Variants in ADGRL2 observed in about 807,000 individuals in gnomAD.
ADGRL2 encodes the protein calcium-independent alpha-latrotoxin receptor 2.
Under a neutral mutation model 157.4 loss-of-function variants are expected in ADGRL2, and 44 were observed. The ratio of observed to expected loss-of-function variants is 0.28; its 90% confidence interval spans 0.22 to 0.36. The LOEUF (loss-of-function observed/expected upper bound fraction) is 0.36. ADGRL2 is among the 10% of genes least tolerant of loss of function. The pLI, the probability that ADGRL2 is intolerant of heterozygous loss-of-function variation, is 1.00. For missense variants in ADGRL2, 1,510 were observed against 1,768.9 expected, an observed-to-expected ratio of 0.85 and a Z score of 2.63; for synonymous variants, 585 against 624.7, an observed-to-expected ratio of 0.94 and a Z score of 0.95.
chr1:81,471,308 C>T (rs1345708565), intron 2 of ADGRL2, among the ~76,000 whole-genome samples: 1 of 152,148 alleles, frequency 6.6e-6, no homozygotes, highest in African/African-American at 2.4e-5. Flanking sequence ...ATTTTCTTGT[C>T]AATACCTTAG....
chr1:81,890,856 A>G (rs770586421), intron 2 of ADGRL2, among the ~76,000 whole-genome samples: 2 of 152,056 alleles, frequency 1.3e-5, no homozygotes, highest in East Asian at 1.9e-4. Context: ...GAGAAATTGT[A>G]TATTTTTAGA....
chr1:81,905,941 AAGC>A (rs1239516855), intron 2 of ADGRL2, among the ~76,000 whole-genome samples: 1 of 144,658 alleles, frequency 6.9e-6, no homozygotes, highest in African/African-American at 2.7e-5. Context: ...ATGGAGAAAA[AAGC>A]AGAGTGTGTG....
At chr1:81,981,753 G>A in intron 18 of ADGRL2, 55 bp from the exon 19 acceptor site, 1 of 1,351,790 alleles carries the variant, frequency 7.4e-7, no homozygotes. Flanking sequence ...ATTTAAGCGT[G>A]ATGTGTGTTT....
chr1:81,353,393 G>A (rs1472470534), intron 1 of ADGRL2, among the ~76,000 whole-genome samples: 5 of 152,152 alleles, frequency 3.3e-5, no homozygotes, highest in African/African-American at 1.2e-4. Context: ...TAAGAAACAA[G>A]TTTGGGAGGA....
chr1:81,331,750 C>T (rs1045077681), intron 1 of ADGRL2, among the ~76,000 whole-genome samples: 1 of 152,020 alleles, frequency 6.6e-6, no homozygotes, highest in Non-Finnish European at 1.5e-5. Context: ...ATTTATTGAT[C>T]ATTTAATAAT....
intron 2 of ADGRL2, among the ~76,000 whole-genome samples, chr1:81,874,198 T>G (rs925691700): frequency 5.9e-5 from 9 of 152,150 alleles, no homozygotes; most frequent in African/African-American, 2.2e-4. Context: ...GGAAACAACT[T>G]AATTATGTGA....
In ADGRL2 at chr1:81,706,482, T is replaced by C. The variant is rs1462498913; in HGVS notation, c.-143+6674T>C. 2.0e-5 allele frequency among the ~76,000 whole-genome samples: 3 copies of C among 152,142 alleles called. No individual in the cohort carries two copies. The East Asian group carries it at 5.8e-4, about 29-fold the overall frequency. On this transcript the variant is annotated intron_variant, in intron 1 of 20. Transcript: ENST00000359929. ...TGTTTTAGGTGCCAGAGCTTGTCTT[T>C]CCAGAGAAGAGCAGTGTGCAGGTGG...
chr1:81,593,974 C>T (rs1169056622), intron 3 of ADGRL2, among the ~76,000 whole-genome samples: 2 of 152,080 alleles, frequency 1.3e-5, no homozygotes, highest in Non-Finnish European at 2.9e-5. Flanking sequence ...CTATATATTT[C>T]TGCACATAGA....
At chr1:81,809,396 T>A (rs577205510) in intron 1 of ADGRL2, among the ~76,000 whole-genome samples, 8 of 152,086 alleles carry the variant, frequency 5.3e-5, no homozygotes, top group African/African-American at 1.7e-4. Context: ...TAAGTAACAT[T>A]TATATATATT....
At chr1:81,379,986 T>G (rs2076316251) in intron 1 of ADGRL2, among the ~76,000 whole-genome samples, 1 of 152,190 alleles carries the variant, frequency 6.6e-6, no homozygotes. Context: ...CTGTATCATT[T>G]AAACGGACGT....
chr1:81,471,662 C>T (rs138159660), intron 2 of ADGRL2, among the ~76,000 whole-genome samples: 40 of 152,254 alleles, frequency 2.6e-4, no homozygotes, highest in Non-Finnish European at 5.0e-4. Flanking sequence ...AAGCCTGAAT[C>T]GAATTAAAAT....
chr1:81,820,041 A>G (rs2090824657), intron 1 of ADGRL2, among the ~76,000 whole-genome samples: 1 of 152,106 alleles, frequency 6.6e-6, no homozygotes, highest in Non-Finnish European at 1.5e-5. Context: ...AGTAACAATC[A>G]TTTCCTCAAT....
rs144746201 is a variant in ADGRL2 at position 81,587,638 on chromosome 1, A to G, written c.-143+6658A>G. Reference sequence around the variant, plus strand: ...TGTTATGCTAAAGAGTGGGGACTCCATCCAGGAAGCAGTGGAAAGTCACCA... The same window carrying G: ...TGTTATGCTAAAGAGTGGGGACTCCGTCCAGGAAGCAGTGGAAAGTCACCA... On this transcript the variant is annotated intron_variant, in intron 3 of 24. Coordinates refer to the ADGRL2 transcript ENST00000370721. Among the ~76,000 whole-genome samples the G allele has an allele frequency of 6.0e-3, 910 of 152,282 alleles. 19 individuals are homozygous for G. The highest frequency in any genetic ancestry group is 0.021 in the African/African-American group (857 of 41,570).
intron 2 of ADGRL2, among the ~76,000 whole-genome samples, chr1:81,491,767 G>A (rs929826987): frequency 2.0e-5 from 3 of 152,152 alleles, no homozygotes; most frequent in African/African-American, 4.8e-5. Context: ...TTATCCACTT[G>A]TTATTTTTTT....
chr1:81,411,000 A>G (rs2076936137), intron 1 of ADGRL2, among the ~76,000 whole-genome samples: 1 of 152,246 alleles, frequency 6.6e-6, no homozygotes, highest in Admixed American at 6.5e-5. Context: ...GACAAAAAAT[A>G]GAAAGAGATT....
At position 81,873,249 on chromosome 1, in the gene ADGRL2, A is replaced by C. The variant is rs753990305; in HGVS notation, c.74-33768A>C. Among the ~76,000 whole-genome samples the C allele has an allele frequency of 3.4e-4, 52 of 152,238 alleles. No individual in the cohort carries two copies. In the Middle Eastern group the frequency reaches 0.01, roughly 30 times the overall value. ...GAAAATCTTCTGTCCTGTACTCTTA[A>C]TAGTGAACTATTAGAGTGTTTAAAT... On this transcript the variant is annotated intron_variant, in intron 2 of 23. Transcript: ENST00000686636.
chr1:81,955,132 A>G (rs911818257), intron 10 of ADGRL2, among the ~76,000 whole-genome samples: 1 of 152,142 alleles, frequency 6.6e-6, no homozygotes, highest in African/African-American at 2.4e-5. Context: ...CATATTTACA[A>G]CTTGGGTGTT....
chr1:81,958,995 A>G (rs1050024127), intron 11 of ADGRL2, among the ~76,000 whole-genome samples: 3 of 152,192 alleles, frequency 2.0e-5, no homozygotes, highest in Admixed American at 6.5e-5. Flanking sequence ...ATTGCTGAGT[A>G]TTATCCATTG....
intron 2 of ADGRL2, among the ~76,000 whole-genome samples, chr1:81,446,439 C>A (rs887738767): frequency 6.6e-6 from 1 of 152,174 alleles, no homozygotes; most frequent in African/African-American, 2.4e-5. Flanking sequence ...TATATAGGGC[C>A]AATGACTTCA....
Sources: gnomAD v4.1 joint callset for allele counts (sites outside exome capture counted in the v4.1 genomes callset) on GRCh38, gnomAD v4.1.1 for gene constraint, MANE v1.5 for transcripts, NCBI Gene and HGNC (gene_info 2026-07-23, HGNC 2026-07-21) for gene names.